Variants in SUGCT observed in about 807,000 individuals in gnomAD.
The protein encoded by SUGCT is succinyl-CoA:glutarate-CoA transferase, also known as succinyl-CoA:glutarate CoA-transferase.
Under a neutral mutation model 55.0 loss-of-function variants are expected in SUGCT, and 41 were observed. The observed-to-expected ratio is 0.74, with a 90% CI of 0.58 to 0.97. The LOEUF (loss-of-function observed/expected upper bound fraction) is 0.97. Ranked by LOEUF, SUGCT falls within the 50% of genes least tolerant of loss-of-function variation. SUGCT has a pLI of 0.00. For missense variants in SUGCT, 568 were observed against 547.8 expected, an observed-to-expected ratio of 1.04 and a Z score of -0.37; for synonymous variants, 187 against 200.4, an observed-to-expected ratio of 0.93 and a Z score of 0.56.
intron 12 of SUGCT, among the ~76,000 whole-genome samples, chr7:40,629,699 C>T (rs76011612): frequency 0.024 from 3,602 of 152,280 alleles, 135 homozygotes; most frequent in African/African-American, 0.084. Context: ...GAGTTAATGA[C>T]TGCCTCCTCT....
At chr7:40,377,777 AG>A (rs1408313033) in intron 9 of SUGCT, among the ~76,000 whole-genome samples, 5 of 152,214 alleles carry the variant, frequency 3.3e-5, no homozygotes, top group African/African-American at 1.2e-4. Context: ...CTTGTAGCGC[AG>A]GTTTGCTTGC....
chr7:40,368,860 T>C (rs1448217448), intron 9 of SUGCT, among the ~76,000 whole-genome samples: 3 of 152,010 alleles, frequency 2.0e-5, no homozygotes, highest in African/African-American at 7.2e-5. Context: ...TTCCAGTACT[T>C]TGGGAGGCTG....
intron 9 of SUGCT, among the ~76,000 whole-genome samples, chr7:40,372,561 A>G (rs901963484): frequency 5.3e-5 from 8 of 152,058 alleles, no homozygotes. Flanking sequence ...TTTTACTGGG[A>G]AATAGATACT....
At chr7:40,582,107 C>G (rs1016212470) in intron 12 of SUGCT, among the ~76,000 whole-genome samples, 5 of 152,014 alleles carry the variant, frequency 3.3e-5, no homozygotes, top group East Asian at 3.9e-4. Context: ...AGACATCGCT[C>G]TCTATAACAA....
intron 13 of SUGCT, among the ~76,000 whole-genome samples, chr7:40,843,756 G>A (rs1229391944): frequency 1.3e-5 from 2 of 152,078 alleles, no homozygotes; most frequent in African/African-American, 2.4e-5. Flanking sequence ...AAGAGGAGTG[G>A]ATTATGTAGA....
chr7:40,488,837 G>A (rs562147974), intron 11 of SUGCT, among the ~76,000 whole-genome samples: 1 of 152,244 alleles, frequency 6.6e-6, no homozygotes, highest in South Asian at 2.1e-4. Context: ...TCTGCCAGGT[G>A]TATTGAAAGT....
At chr7:40,218,028 A>G (rs1024330597) in intron 6 of SUGCT, among the ~76,000 whole-genome samples, 1 of 152,148 alleles carries the variant, frequency 6.6e-6, no homozygotes, top group Non-Finnish European at 1.5e-5. Flanking sequence ...ATCCTGGCTA[A>G]CATGGTGAAA....
chr7:40,510,664 A>C (rs199606394), intron 12 of SUGCT, among the ~76,000 whole-genome samples: 1 of 152,210 alleles, frequency 6.6e-6, no homozygotes, highest in African/African-American at 2.4e-5. Flanking sequence ...AGCGTTTTCA[A>C]CAGCCACTTT....
chr7:40,696,673 C>T (rs1421030467), intron 12 of SUGCT, among the ~76,000 whole-genome samples: 3 of 152,210 alleles, frequency 2.0e-5, no homozygotes, highest in Non-Finnish European at 4.4e-5. Context: ...CTCTGTGTCT[C>T]TTTCTCTCCT....
chr7:41,010,314 C>T, the SUGCT span, among the ~76,000 whole-genome samples: 26 of 152,108 alleles, frequency 1.7e-4, no homozygotes, highest in Non-Finnish European at 3.2e-4. Context: ...TAGATAGACA[C>T]GAGTAAAACA....
chr7:40,723,379 G>C (rs960725623), intron 12 of SUGCT, among the ~76,000 whole-genome samples: 3 of 152,156 alleles, frequency 2.0e-5, no homozygotes, highest in African/African-American at 4.8e-5. Context: ...GTTTAGCAGT[G>C]TTCTTCTCTT....
At chr7:40,526,525 T>C (rs1793807633) in intron 12 of SUGCT, among the ~76,000 whole-genome samples, 2 of 152,204 alleles carry the variant, frequency 1.3e-5, no homozygotes, top group African/African-American at 2.4e-5. Flanking sequence ...ATTCAGTTGG[T>C]CTTGGTTGGG....
chr7:40,948,618 C>T, the SUGCT span, among the ~76,000 whole-genome samples: 16 of 151,886 alleles, frequency 1.1e-4, no homozygotes, highest in African/African-American at 2.2e-4. Context: ...CCCCACCCGC[C>T]GACAGGCCCC....
At chr7:40,960,209 G>A in the SUGCT span, among the ~76,000 whole-genome samples, 13 of 152,130 alleles carry the variant, frequency 8.5e-5, no homozygotes, top group Admixed American at 5.2e-4. Context: ...CCTTTGTGAA[G>A]TGAATAAACA....
chr7:40,941,376 T>C, the SUGCT span, among the ~76,000 whole-genome samples: 1 of 152,126 alleles, frequency 6.6e-6, no homozygotes, highest in Non-Finnish European at 1.5e-5. Context: ...TATGTATTTG[T>C]ATAGTCTTGA....
the SUGCT span, among the ~76,000 whole-genome samples, chr7:40,986,973 A>G: frequency 6.6e-6 from 1 of 152,164 alleles, no homozygotes; most frequent in Non-Finnish European, 1.5e-5. Flanking sequence ...GCACTTACAT[A>G]ATCTGTATAT....
the SUGCT span, among the ~76,000 whole-genome samples, chr7:40,981,412 C>A: frequency 4.6e-5 from 7 of 152,126 alleles, no homozygotes; most frequent in Non-Finnish European, 8.8e-5. Flanking sequence ...CATCTCTATT[C>A]CTGGCTTCTG....
intron 12 of SUGCT, among the ~76,000 whole-genome samples, chr7:40,529,555 G>A (rs1015317896): frequency 4.6e-5 from 7 of 152,196 alleles, no homozygotes; most frequent in East Asian, 1.9e-4. Context: ...TGCGCAGATC[G>A]CAGGACATTT....
At chr7:40,386,116 A>T (rs1412598261) in intron 9 of SUGCT, among the ~76,000 whole-genome samples, 1 of 152,182 alleles carries the variant, frequency 6.6e-6, no homozygotes, top group African/African-American at 2.4e-5. Context: ...TAGGACACAG[A>T]TGCAATCTGG....
Sources: gnomAD v4.1 joint callset for allele counts (sites outside exome capture counted in the v4.1 genomes callset) on GRCh38, gnomAD v4.1.1 for gene constraint, MANE v1.5 for transcripts, NCBI Gene and HGNC (gene_info 2026-07-23, HGNC 2026-07-21) for gene names.